The following PCSK2 variants were observed in gnomAD, a reference collection of about 807,000 sequenced individuals.
PCSK2 encodes the protein proprotein convertase subtilisin/kexin type 2.
Under a neutral mutation model 69.7 loss-of-function variants are expected in PCSK2, and 14 were observed. That is an observed-to-expected ratio of 0.20 (90% CI 0.13 to 0.31). The LOEUF (loss-of-function observed/expected upper bound fraction) is 0.31. Among genes scored for constraint, PCSK2 ranks in the 10% least tolerant of loss-of-function variants. The pLI, the probability that PCSK2 is intolerant of heterozygous loss-of-function variation, is 1.00. For missense variants in PCSK2, 544 were observed against 842.5 expected (o/e 0.65, Z 4.39); for synonymous variants, 307 against 320.7 (o/e 0.96, Z 0.46).
At chr20:17,234,070 G>T (rs981598659) in intron 1 of PCSK2, among the ~76,000 whole-genome samples, 1 of 152,192 alleles carries the variant, frequency 6.6e-6, no homozygotes, top group African/African-American at 2.4e-5. Context: ...TTAAGACACT[G>T]AGATTTGGGA....
rs138515375 is a variant in PCSK2, at chr20:17,290,326, T to C, written c.282+29982T>C. 2.2e-4 allele frequency among the ~76,000 whole-genome samples: 33 copies of C among 152,340 alleles called. 2 individuals carry two copies. Among genetic ancestry groups the C allele is most frequent in the Admixed American group, 2.6e-4 (4 of 15,302 alleles). On this transcript the variant is annotated intron_variant, in intron 2 of 11. Coordinates refer to ENST00000262545, the MANE Select transcript of PCSK2 (RefSeq NM_002594.5). ...CTCCACTTTTCCCTAAGGATCTGTA[T>C]GATCCCATTTTGTCATAAGAATATC...
chr20:17,368,240 T>A (rs1398035311), intron 4 of PCSK2, among the ~76,000 whole-genome samples: 2 of 152,146 alleles, frequency 1.3e-5, no homozygotes, highest in Non-Finnish European at 2.9e-5. Flanking sequence ...CCCCATATAG[T>A]TATTAAATGC....
intron 5 of PCSK2, among the ~76,000 whole-genome samples, chr20:17,402,831 C>T (rs2031671396): frequency 6.6e-6 from 1 of 152,068 alleles, no homozygotes; most frequent in Non-Finnish European, 1.5e-5. Flanking sequence ...GTGGTGGGCT[C>T]CTGTAGTCCC....
At chr20:17,349,422 G>T (rs2029904303) in intron 2 of PCSK2, among the ~76,000 whole-genome samples, 1 of 152,120 alleles carries the variant, frequency 6.6e-6, no homozygotes. Flanking sequence ...TCCCAGCCCT[G>T]CCTCTAACAC....
Position 17,404,425 on chromosome 20 carries a change from G to A in PCSK2, c.544-4838G>A, listed in dbSNP as rs116423381. ...TTGAGAAACAGAAGAACTAGAGGAC[G>A]GTGACTCCTAGGGGCTTGACCAGTG... On this transcript the variant is annotated intron_variant, in intron 5 of 11. Coordinates refer to ENST00000262545, the MANE Select transcript of PCSK2 (RefSeq NM_002594.5). 4.5e-3 allele frequency among the ~76,000 whole-genome samples: 693 copies of A among 152,316 alleles called. 6 individuals carry two copies. The highest frequency in any genetic ancestry group is 0.016 in the African/African-American group (649 of 41,556).
intron 2 of PCSK2, among the ~76,000 whole-genome samples, chr20:17,331,557 C>G (rs578226095): frequency 5.1e-4 from 77 of 152,268 alleles, no homozygotes; most frequent in African/African-American, 1.8e-3. Context: ...CAATGTAAGA[C>G]CCTTCCCAGG....
At chr20:17,277,786 T>G (rs1489961117) in intron 2 of PCSK2, among the ~76,000 whole-genome samples, 1 of 151,888 alleles carries the variant, frequency 6.6e-6, no homozygotes, top group Non-Finnish European at 1.5e-5. Context: ...ACAGGCAACC[T>G]ACAGAATGGG....
At chr20:17,226,463 T>A (rs531832404), upstream of PCSK2, 1 of 152,116 alleles carries the variant, frequency 6.6e-6, no homozygotes, top group Middle Eastern at 3.4e-3. Context: ...GGTTAATATT[T>A]GCTTTGTTAT....
chr20:17,356,606 C>A (rs1206149861), intron 2 of PCSK2, among the ~76,000 whole-genome samples: 1 of 152,148 alleles, frequency 6.6e-6, no homozygotes, highest in African/African-American at 2.4e-5. Flanking sequence ...CTTCTCTCAT[C>A]TGGTATCCAT....
chr20:17,402,682 T>C (rs929843795), intron 5 of PCSK2, among the ~76,000 whole-genome samples: 4 of 110,324 alleles, frequency 3.6e-5, no homozygotes, highest in African/African-American at 7.2e-5. Flanking sequence ...AAAAAAGGCA[T>C]GGTGGCTCAT....
At chr20:17,270,129 C>T (rs1274655344) in intron 2 of PCSK2, among the ~76,000 whole-genome samples, 1 of 152,052 alleles carries the variant, frequency 6.6e-6, no homozygotes, top group Non-Finnish European at 1.5e-5. Context: ...GTCTATCTAG[C>T]TACTGAATAT....
At chr20:17,423,440 G>C (rs796135774) in intron 6 of PCSK2, among the ~76,000 whole-genome samples, 1 of 152,140 alleles carries the variant, frequency 6.6e-6, no homozygotes, top group Admixed American at 6.5e-5. Flanking sequence ...ACTCTTAGAG[G>C]CAATAGATGA....
chr20:17,466,248 T>G (rs1385291384), intron 11 of PCSK2, among the ~76,000 whole-genome samples: 1 of 152,208 alleles, frequency 6.6e-6, no homozygotes, highest in Admixed American at 6.5e-5. Flanking sequence ...TCTAACTCCA[T>G]AGCTTAACTT....
intron 7 of PCSK2, among the ~76,000 whole-genome samples, chr20:17,434,568 T>C (rs1280965111): frequency 1.3e-5 from 2 of 152,164 alleles, no homozygotes; most frequent in Non-Finnish European, 2.9e-5. Flanking sequence ...ACTCTGAGGT[T>C]CTTGCGCAGC....
intron 2 of PCSK2, among the ~76,000 whole-genome samples, chr20:17,275,475 T>C (rs565973266): frequency 6.6e-6 from 1 of 152,234 alleles, no homozygotes; most frequent in East Asian, 1.9e-4. Context: ...GGGGTTACTC[T>C]GGCAATCAAA....
Position 17,484,480 on chromosome 20 carries a change from G to T in PCSK2, c.*2410G>T, listed in dbSNP as rs529544532. 6.6e-6 allele frequency: 1 copy of T among 152,518 alleles called. No individual in the cohort carries two copies. The highest frequency in any genetic ancestry group is 1.5e-5 in the Non-Finnish European group (1 of 67,970). 9.4% of individuals were successfully genotyped at this position (152,518 alleles called of 1,614,324 possible). A position where few individuals can be genotyped will look rare whatever the true frequency, so the allele number is the denominator to read the frequency against. On this transcript the variant is annotated 3_prime_UTR_variant, in exon 12 of 12. Transcript: ENST00000262545. ...ATGAAAATAAGTGAATAATAATTAG[G>T]TTAACATTGTTGCTCCCTGTGACAA...
chr20:17,315,243 G>C (rs1989645346), intron 2 of PCSK2, among the ~76,000 whole-genome samples: 1 of 152,004 alleles, frequency 6.6e-6, no homozygotes, highest in Non-Finnish European at 1.5e-5. Flanking sequence ...GTGATGGTGT[G>C]TGTCTTCCTG....
intron 5 of PCSK2, among the ~76,000 whole-genome samples, chr20:17,383,439 C>T (rs143512745): frequency 6.6e-6 from 1 of 152,184 alleles, no homozygotes; most frequent in East Asian, 1.9e-4. Flanking sequence ...CAGAAAGCCT[C>T]TCTATCCAAG....
intron 2 of PCSK2, among the ~76,000 whole-genome samples, chr20:17,341,865 T>G (rs971770055): frequency 6.6e-6 from 1 of 152,180 alleles, no homozygotes; most frequent in African/African-American, 2.4e-5. Flanking sequence ...TTCCACAGTG[T>G]TCCATGAACA....
Sources: allele counts gnomAD v4.1 joint callset (sites outside exome capture counted in the v4.1 genomes callset), GRCh38; gene constraint gnomAD v4.1.1; transcripts MANE v1.5; gene names NCBI Gene and HGNC (gene_info 2026-07-23, HGNC 2026-07-21).